LHFPL6: variants seen among roughly 807,000 people sequenced by gnomAD.
LHFPL6 encodes LHFPL tetraspan subfamily member 6, also known as LHFPL tetraspan subfamily member 6 protein.
In LHFPL6, 9 loss-of-function variants were observed where a neutral mutation model predicts 20.6. That is an observed-to-expected ratio of 0.44 (90% CI 0.26 to 0.76). The LOEUF is 0.76. Among genes scored for constraint, LHFPL6 ranks in the 30% least tolerant of loss-of-function variants. The pLI is 0.20. For missense variants in LHFPL6, 218 were observed against 253.5 expected (o/e 0.86, Z 0.95); for synonymous variants, 105 against 98.7 (o/e 1.06, Z -0.38).
chr13:39,378,315 C>A, intron 3 of LHFPL6, 113 bp downstream of exon 3: 1 of 716,506 alleles, frequency 1.4e-6, no homozygotes, highest in South Asian at 1.6e-5. Context: ...TGACTACTGG[C>A]TGTAATACCC....
rs1222791041 is a variant in LHFPL6, at chr13:39,358,132, C to T, written c.485-14078G>A. 3.3e-5 allele frequency among the ~76,000 whole-genome samples: 5 copies of T among 152,250 alleles called. No individual in the cohort carries two copies. In the East Asian group the frequency reaches 7.7e-4, roughly 24 times the overall value. On this transcript the variant is annotated intron_variant, in intron 3 of 3. Transcript: ENST00000379589. The stretch of plus-strand genomic sequence containing the variant: ...GAATAAAGCTGGAGGCATCACATTA[C>T]CTGACTTCAACTATACAACAAATTT...
intron 2 of LHFPL6, among the ~76,000 whole-genome samples, chr13:39,495,029 T>C (rs1351550133): frequency 1.3e-5 from 2 of 152,186 alleles, no homozygotes; most frequent in African/African-American, 4.8e-5. Flanking sequence ...ATGAAATGAC[T>C]GCACCCCACT....
intron 2 of LHFPL6, among the ~76,000 whole-genome samples, chr13:39,593,982 C>T (rs1215101002): frequency 2.6e-5 from 4 of 152,142 alleles, no homozygotes; most frequent in South Asian, 4.1e-4. Flanking sequence ...GGATTAAAGA[C>T]TTAAACGTTA....
At chr13:39,432,706 T>A (rs1293130906) in intron 2 of LHFPL6, among the ~76,000 whole-genome samples, 1 of 152,200 alleles carries the variant, frequency 6.6e-6, no homozygotes, top group African/African-American at 2.4e-5. Context: ...TAAAAAAAAT[T>A]GTTTCTCCCT....
chr13:39,430,443 T>C (rs933064493), intron 2 of LHFPL6, among the ~76,000 whole-genome samples: 1 of 152,210 alleles, frequency 6.6e-6, no homozygotes, highest in Admixed American at 6.5e-5. Flanking sequence ...TCCTACTTCC[T>C]TTACTCCTCA....
rs1400410344 is a variant in LHFPL6, at chr13:39,417,549, G to T, written c.386-39023C>A. Among the ~76,000 whole-genome samples the T allele has an allele frequency of 3.3e-5, 5 of 152,094 alleles. 1 individual carries two copies. The highest frequency in any genetic ancestry group is 2.6e-4 in the Admixed American group (4 of 15,272). On this transcript the variant is annotated intron_variant, in intron 2 of 3. Transcript: ENST00000379589. ...AGACGGAGGGAAGGAGTCACATCAA[G>T]GACCAATTTTCCTTAAGCAAAATTC...
At chr13:39,385,297 C>A (rs899498913) in intron 2 of LHFPL6, among the ~76,000 whole-genome samples, 1 of 152,192 alleles carries the variant, frequency 6.6e-6, no homozygotes, top group Non-Finnish European at 1.5e-5. Flanking sequence ...ACTACTACAC[C>A]ATTTCCTCCT....
chr13:39,347,619 G>A (rs533166303), intron 3 of LHFPL6, among the ~76,000 whole-genome samples: 232 of 152,248 alleles, frequency 1.5e-3, no homozygotes, highest in African/African-American at 5.3e-3. Context: ...CATTAATACA[G>A]ATAGAATAAG....
At chr13:39,590,372 C>T (rs1418374273) in intron 2 of LHFPL6, among the ~76,000 whole-genome samples, 1 of 152,166 alleles carries the variant, frequency 6.6e-6, no homozygotes, top group African/African-American at 2.4e-5. Flanking sequence ...TATTAACTTT[C>T]CAAAACCAAG....
intron 2 of LHFPL6, among the ~76,000 whole-genome samples, chr13:39,530,784 G>A (rs995344009): frequency 2.1e-4 from 31 of 151,122 alleles, no homozygotes; most frequent in African/African-American, 2.4e-5. Flanking sequence ...TTGCATATCC[G>A]TGACTGAACC....
At chr13:39,576,240 T>C (rs1007859815) in intron 2 of LHFPL6, among the ~76,000 whole-genome samples, 8 of 152,324 alleles carry the variant, frequency 5.3e-5, no homozygotes, top group South Asian at 2.1e-4. Context: ...AATGATTTAC[T>C]AGTACAGCAC....
intron 2 of LHFPL6, among the ~76,000 whole-genome samples, chr13:39,380,893 G>A (rs979825887): frequency 1.3e-5 from 2 of 151,998 alleles, no homozygotes; most frequent in African/African-American, 2.4e-5. Flanking sequence ...CTGATGATCT[G>A]TCACTGTCTC....
intron 2 of LHFPL6, among the ~76,000 whole-genome samples, chr13:39,595,088 G>A (rs1286266562): frequency 6.6e-6 from 1 of 151,992 alleles, no homozygotes; most frequent in Non-Finnish European, 1.5e-5. Flanking sequence ...TGCACGTTGT[G>A]CACATGTACC....
intron 2 of LHFPL6, among the ~76,000 whole-genome samples, chr13:39,563,557 A>G (rs1414793237): frequency 6.6e-6 from 1 of 152,226 alleles, no homozygotes; most frequent in Non-Finnish European, 1.5e-5. Context: ...TCAGCAGTAT[A>G]GAGGCATTCT....
intron 3 of LHFPL6, among the ~76,000 whole-genome samples, chr13:39,351,956 G>C (rs1869580379): frequency 6.6e-6 from 1 of 152,180 alleles, no homozygotes; most frequent in Admixed American, 6.5e-5. Context: ...GGGGCTGCCT[G>C]ATTTGCGAAT....
At chr13:39,357,846 T>A (rs1240352889) in intron 3 of LHFPL6, among the ~76,000 whole-genome samples, 1 of 152,062 alleles carries the variant, frequency 6.6e-6, no homozygotes, top group Non-Finnish European at 1.5e-5. Context: ...AAATCATCGA[T>A]GACACAAACA....
intron 2 of LHFPL6, among the ~76,000 whole-genome samples, chr13:39,576,365 T>C (rs1245074309): frequency 6.6e-6 from 1 of 152,196 alleles, no homozygotes; most frequent in African/African-American, 2.4e-5. Context: ...ACATCAAAGA[T>C]GGTAAATTAA....
intron 2 of LHFPL6, among the ~76,000 whole-genome samples, chr13:39,435,062 C>CAAAAAAAA (rs55701240): frequency 3.7e-5 from 2 of 53,356 alleles, no homozygotes; most frequent in African/African-American, 8.4e-5. Context: ...GACTCCGTCT[C>CAAAAAAAA]AAAAAAAAAA....
intron 3 of LHFPL6, among the ~76,000 whole-genome samples, chr13:39,358,667 C>G (rs1175904): frequency 0.22 from 33,731 of 152,090 alleles, 3,990 homozygotes; most frequent in Middle Eastern, 0.31. Context: ...TATCCAGAAT[C>G]TGTAAGAAAC....
Sources: gnomAD v4.1 joint callset for allele counts (sites outside exome capture counted in the v4.1 genomes callset) on GRCh38, gnomAD v4.1.1 for gene constraint, MANE v1.5 for transcripts, NCBI Gene and HGNC (gene_info 2026-07-23, HGNC 2026-07-21) for gene names.